Variants in CAAP1 observed in about 807,000 individuals in gnomAD.
CAAP1 encodes caspase activity and apoptosis inhibitor 1, also known as conserved anti-apoptotic protein.
A neutral mutation model predicts 34.0 loss-of-function variants in CAAP1; 20 were observed. That is an observed-to-expected ratio of 0.59 (90% CI 0.41 to 0.86). The LOEUF (loss-of-function observed/expected upper bound fraction) is 0.86, where lower values mean the gene tolerates loss of function less well. CAAP1 is among the 40% of genes least tolerant of loss of function. The pLI is 0.00. For missense variants in CAAP1, 538 were observed against 450.5 expected (o/e 1.19, Z -1.76); for synonymous variants, 213 against 166.7 (o/e 1.28, Z -2.14).
At chr9:26,873,739 A>G (rs111987201) in intron 4 of CAAP1, among the ~76,000 whole-genome samples, 6,431 of 152,276 alleles carry the variant, frequency 0.042, 468 homozygotes, top group African/African-American at 0.15. Context: ...AAGCGGTTTT[A>G]TCTTAATCTG....
At chr9:26,870,038 ACT>A in intron 4 of CAAP1, 20 of 570,760 alleles carry the variant, frequency 3.5e-5, no homozygotes, top group Middle Eastern at 9.3e-4. Context: ...AGAAAGAATA[ACT>A]TTTTTTTTTT....
At chr9:26,891,683 A>G (rs1038849116) in intron 1 of CAAP1, among the ~76,000 whole-genome samples, 1 of 152,224 alleles carries the variant, frequency 6.6e-6, no homozygotes, top group African/African-American at 2.4e-5. Context: ...CAATGCAGGT[A>G]TTCAACAGCG....
intron 5 of CAAP1, among the ~76,000 whole-genome samples, chr9:26,843,644 A>G (rs901943244): frequency 6.6e-6 from 1 of 152,016 alleles, no homozygotes; most frequent in African/African-American, 2.4e-5. Context: ...TTTCCCTAAT[A>G]TAAGAAAGCT....
chr9:26,892,650 C>G lies in CAAP1; in HGVS notation c.66G>C (p.Ala22=). ...CGGGTACGATGTCCGGGGCCGCGAGCGCTGCGGCCGCCTCCTGACTGCTAC... is the reference window on the plus strand; with the variant it reads ...CGGGTACGATGTCCGGGGCCGCGAGGGCTGCGGCCGCCTCCTGACTGCTAC... ...RKRSSQEAAA[A]LAAPDIVPAL... is the part of the protein sequence containing the mutation. The change falls in exon 1 of 6, where the codon GCG becomes GCC. Residue 22 remains alanine, a synonymous_variant. Transcript: ENST00000333916. 1 of 1,607,776 alleles carries G rather than the reference C, an allele frequency of 6.2e-7. No homozygotes were observed. Among genetic ancestry groups the G allele is most frequent in the Non-Finnish European group, 8.5e-7 (1 of 1,179,216 alleles).
At position 26,892,560 on chromosome 9, in the gene CAAP1, G is replaced by A. The variant is rs1454877079; in HGVS notation, c.156C>T (p.Val52=). The part of the protein sequence containing the change: ...GCGSAGGCGS[V]SCCGNANFSG... ...TAAAATTGGCGTTCCCACAGCAGCT[G>A]ACGCTCCCGCAGCCCCCGGCGCTCC... Residue 52 remains valine (V), a synonymous_variant, in exon 1 of 6, where the codon GTC becomes GTT. Coordinates refer to ENST00000333916, the MANE Select transcript of CAAP1 (RefSeq NM_024828.4). The A allele has an allele frequency of 6.3e-7, 1 of 1,587,908 alleles. No individual in the cohort carries two copies. The highest frequency in any genetic ancestry group is 2.3e-5 in the East Asian group (1 of 43,452).
chr9:26,879,119 C>G (rs894012496), intron 4 of CAAP1, among the ~76,000 whole-genome samples: 5 of 152,190 alleles, frequency 3.3e-5, no homozygotes, highest in Non-Finnish European at 7.3e-5. Flanking sequence ...GGTATCTTTC[C>G]ATGACATTAC....
In CAAP1 at chr9:26,891,089, T is replaced by C. The variant is rs140671302; in HGVS notation, c.303+1324A>G. On this transcript the variant is annotated intron_variant, in intron 1 of 5. Coordinates refer to ENST00000333916, the MANE Select transcript of CAAP1 (RefSeq NM_024828.4). ...TCAACTAACTTATCAACAAATTACA[T>C]TATCTGACTAAAGGAGAAAAAGTAT... Among the ~76,000 whole-genome samples the C allele has an allele frequency of 4.6e-5, 7 of 152,306 alleles. No homozygotes were observed. In the East Asian group the frequency reaches 1.3e-3, roughly 29 times the overall value.
intron 4 of CAAP1, chr9:26,880,051 G>T: frequency 5.5e-6 from 1 of 181,456 alleles, no homozygotes; most frequent in South Asian, 8.2e-5. Context: ...TGACTCTATG[G>T]CAAAAAAATA....
chr9:26,871,984 A>G (rs1223953237), intron 4 of CAAP1, among the ~76,000 whole-genome samples: 1 of 152,094 alleles, frequency 6.6e-6, no homozygotes, highest in African/African-American at 2.4e-5. Context: ...CTGGCTTTCA[A>G]TTGGGCTTTG....
chr9:26,861,623 T>C (rs951508854), intron 4 of CAAP1, among the ~76,000 whole-genome samples: 3 of 152,100 alleles, frequency 2.0e-5, no homozygotes, highest in Admixed American at 6.6e-5. Context: ...AGTAAAAGGA[T>C]TAAATGTAAG....
At chr9:26,846,723 T>C (rs1017248873) in intron 5 of CAAP1, among the ~76,000 whole-genome samples, 5 of 152,252 alleles carry the variant, frequency 3.3e-5, no homozygotes, top group African/African-American at 1.2e-4. Context: ...GTTGCACTCT[T>C]GCTGCCCAGG....
At chr9:26,871,942 T>A (rs180970301) in intron 4 of CAAP1, among the ~76,000 whole-genome samples, 6 of 151,470 alleles carry the variant, frequency 4.0e-5, no homozygotes, top group East Asian at 1.9e-4. Flanking sequence ...AATAAATAAA[T>A]AAAATAAAAA....
chr9:26,846,458 A>AAAAG (rs1475555468), intron 5 of CAAP1, among the ~76,000 whole-genome samples: 2 of 151,416 alleles, frequency 1.3e-5, no homozygotes, highest in Admixed American at 1.3e-4. Flanking sequence ...AAAAAAAGAA[A>AAAAG]AAAGAAAGAC....
chr9:26,847,828 G>T, intron 5 of CAAP1, among the ~76,000 whole-genome samples: 1 of 151,280 alleles, frequency 6.6e-6, no homozygotes, highest in Admixed American at 6.6e-5. Flanking sequence ...TGGAAGGACT[G>T]CTGTTTATTA....
In CAAP1 at chr9:26,884,856, C is replaced by G. The variant is rs1453267276; in HGVS notation, c.619G>C (p.Glu207Gln). 1.9e-6 allele frequency: 3 copies of G among 1,609,552 alleles called. No homozygotes were observed. Among genetic ancestry groups the G allele is most frequent in the Non-Finnish European group, 1.7e-6 (2 of 1,179,142 alleles). Reference protein sequence around the residue: ...GDNGMDSDMEEEADDGSKMGS... With the variant: ...GDNGMDSDMEQEADDGSKMGS... ...ATCTTAGAACCATCATCTGCTTCCT[C>G]TTCCATATCAGAGTCCATTCCATTG... Residue 207 changes from glutamate to glutamine, a missense_variant, in exon 4 of 6, where the codon GAG becomes CAG. This residue lies in a region of CAAP1 where 514 missense variants were observed against 408.4 expected (regional missense o/e 1.26). Coordinates refer to ENST00000333916, the MANE Select transcript of CAAP1 (RefSeq NM_024828.4).
intron 3 of CAAP1, among the ~76,000 whole-genome samples, chr9:26,885,744 T>C (rs768940496): frequency 1.3e-5 from 2 of 152,136 alleles, no homozygotes; most frequent in Non-Finnish European, 2.9e-5. Context: ...CAATATGCAA[T>C]AGGTGACTAA....
intron 5 of CAAP1, among the ~76,000 whole-genome samples, chr9:26,853,937 G>C (rs921215772): frequency 6.6e-6 from 1 of 152,104 alleles, no homozygotes; most frequent in African/African-American, 2.4e-5. Context: ...AAAACAGTAG[G>C]TTTGCTGGAT....
At chr9:26,865,844 T>A (rs952650064) in intron 4 of CAAP1, among the ~76,000 whole-genome samples, 2 of 152,110 alleles carry the variant, frequency 1.3e-5, no homozygotes, top group Admixed American at 1.3e-4. Flanking sequence ...TAAATAACTT[T>A]ATTTATTTAT....
chr9:26,853,407 T>C (rs908799678), intron 5 of CAAP1, among the ~76,000 whole-genome samples: 32 of 152,316 alleles, frequency 2.1e-4, no homozygotes, highest in African/African-American at 7.0e-4. Context: ...TTATTGGACA[T>C]TTAATAAGTA....
Sources: gnomAD v4.1 joint callset for allele counts (sites outside exome capture counted in the v4.1 genomes callset) on GRCh38, gnomAD v4.1.1 for gene constraint, gnomAD v4.1.1 regional missense constraint, MANE v1.5 for transcripts, NCBI Gene and HGNC (gene_info 2026-07-23, HGNC 2026-07-21) for gene names.